Variants in GBF1 observed in about 807,000 individuals in gnomAD.
The protein encoded by GBF1 is Golgi-specific brefeldin A-resistance guanine nucleotide exchange factor 1.
A neutral mutation model predicts 210.5 loss-of-function variants in GBF1; 114 were observed. The ratio of observed to expected loss-of-function variants is 0.54; its 90% CI spans 0.47 to 0.63. GBF1 has a LOEUF of 0.63. Among genes scored for constraint, GBF1 ranks in the 30% least tolerant of loss-of-function variants. GBF1 has a pLI of 0.00. For synonymous variants in GBF1, 850 were observed against 889.2 expected (o/e 0.96, Z 0.78); for missense variants, 1,851 against 2,357.7 (o/e 0.79, Z 4.45).
At chr10:102,264,862 C>T (rs934161636) in intron 3 of GBF1, among the ~76,000 whole-genome samples, 2 of 152,192 alleles carry the variant, frequency 1.3e-5, no homozygotes, top group African/African-American at 4.8e-5. Flanking sequence ...GCTGGGGTGT[C>T]CTGGCCTTAG....
rs139353076 is a variant in GBF1 at position 102,358,083 on chromosome 10, G to T, written c.684G>T (p.Lys228Asn). 1.2e-5 allele frequency: 19 copies of T among 1,609,686 alleles called. No homozygotes were observed. Among genetic ancestry groups the T allele is most frequent in the Non-Finnish European group, 1.6e-5 (19 of 1,176,082 alleles). ...GCATGAGTGATTCATCCAAATGGAA[G>T]AAACAGAAGAGATCCCCTCGGCCCC... is the stretch of plus-strand genomic sequence containing the variant. ...AGGMSDSSKW[K>N]KQKRSPRPPR... Residue 228 changes from lysine (K) to asparagine (N), a missense_variant, in exon 9 of 40, where the codon AAG becomes AAT. Lys to Asn is a moderately conservative substitution (Grantham distance 94). Coordinates refer to ENST00000369983, the MANE Select transcript of GBF1 (RefSeq NM_001377137.1).
chr10:102,255,536 C>A (rs2072225517), intron 1 of GBF1, among the ~76,000 whole-genome samples: 1 of 152,154 alleles, frequency 6.6e-6, no homozygotes, highest in African/African-American at 2.4e-5. Context: ...GTTAGTCTTC[C>A]TTTCACTCCT....
chr10:102,270,617 A>T (rs1276085111), intron 3 of GBF1, among the ~76,000 whole-genome samples: 4 of 152,218 alleles, frequency 2.6e-5, no homozygotes, highest in African/African-American at 4.8e-5. Flanking sequence ...TTGAAAATAA[A>T]TTGCAAACAT....
the GBF1 span, chr10:102,230,793 T>G: frequency 1.1e-4 from 177 of 1,547,986 alleles, no homozygotes; most frequent in Non-Finnish European, 1.5e-4. Context: ...CCCCAGGCCC[T>G]GGCACGGTGC....
Position 102,370,231 on chromosome 10 carries a change from C to T in GBF1, c.3397C>T (p.Gln1133Ter), listed in dbSNP as rs1364502343. The change falls in exon 27 of 40, where the codon CAG (glutamine) becomes TAG (stop). Residue 1133 changes from glutamine to a stop codon, truncating the protein, a stop_gained. Coordinates refer to ENST00000369983, the MANE Select transcript of GBF1 (RefSeq NM_001377137.1). LOFTEE classifies it high-confidence loss of function. Reference sequence around the variant, plus strand: ...CAAGTTCCTCCAGCTGGAGTCACTACAGGAGCTCATGAAGGTAAAGGATGA... The same window carrying T: ...CAAGTTCCTCCAGCTGGAGTCACTATAGGAGCTCATGAAGGTAAAGGATGA... ...ESKFLQLESL[Q>*]ELMKALVSVT... is the part of the protein sequence containing the mutation. 6.2e-7 allele frequency: 1 copy of T among 1,609,252 alleles called. No individual in the cohort carries two copies. The highest frequency in any genetic ancestry group is 8.5e-7 in the Non-Finnish European group (1 of 1,175,596).
intron 3 of GBF1, among the ~76,000 whole-genome samples, chr10:102,331,357 T>G (rs909150964): frequency 2.0e-5 from 3 of 152,156 alleles, no homozygotes; most frequent in Non-Finnish European, 4.4e-5. Flanking sequence ...GTGGCAGTTT[T>G]GGAGAAAATA....
intron 1 of GBF1, among the ~76,000 whole-genome samples, chr10:102,256,508 T>TA (rs79637779): frequency 0.012 from 1,829 of 147,266 alleles, 30 homozygotes; most frequent in African/African-American, 0.042. Flanking sequence ...ATTCTCTTTG[T>TA]AAAAAAAAAA....
At chr10:102,240,002 G>A in the GBF1 span, among the ~76,000 whole-genome samples, 1 of 152,240 alleles carries the variant, frequency 6.6e-6, no homozygotes, top group Non-Finnish European at 1.5e-5. Context: ...CCAGGGTGGT[G>A]TTGGGACTGG....
intron 17 of GBF1, among the ~76,000 whole-genome samples, chr10:102,364,094 G>C (rs1323947634): frequency 6.6e-6 from 1 of 152,088 alleles, no homozygotes; most frequent in Non-Finnish European, 1.5e-5. Context: ...GTGGGTCATT[G>C]AAGGTTACTG....
chr10:102,280,130 AAGAGAGAG>A (rs57985048), intron 3 of GBF1, among the ~76,000 whole-genome samples: 10 of 150,018 alleles, frequency 6.7e-5, no homozygotes, highest in Non-Finnish European at 1.2e-4. Context: ...CTTAAAAAAA[AAGAGAGAG>A]AGAGAGAGAG....
chr10:102,356,514 C>G (rs181587202), intron 8 of GBF1, among the ~76,000 whole-genome samples: 32 of 152,224 alleles, frequency 2.1e-4, no homozygotes, highest in African/African-American at 7.7e-4. Context: ...ACCTGTAATC[C>G]CAGTACTTTG....
At chr10:102,375,048 C>T (rs1422365281) in intron 29 of GBF1, among the ~76,000 whole-genome samples, 2 of 151,884 alleles carry the variant, frequency 1.3e-5, no homozygotes, top group African/African-American at 4.8e-5. Context: ...GTCACATGCA[C>T]CTGTAGTCCC....
Position 102,327,082 on chromosome 10 carries a change from G to A in GBF1, c.164-16969G>A, listed in dbSNP as rs574857778. Among the ~76,000 whole-genome samples the A allele has an allele frequency of 4.6e-5, 7 of 152,180 alleles. No homozygotes were observed. The East Asian group carries it at 1.4e-3, about 29-fold the overall frequency. ...CTATGTCTTGTAAAAGTCTCTAATC[G>A]GCATCCATTAGATGAGCCGAATTCT... On this transcript the variant is annotated intron_variant, in intron 3 of 39. Transcript: ENST00000369983.
chr10:102,350,992 C>T (rs1255108607), intron 4 of GBF1, among the ~76,000 whole-genome samples: 1 of 150,458 alleles, frequency 6.6e-6, no homozygotes, highest in Non-Finnish European at 1.5e-5. Context: ...GAGGCTAAGG[C>T]AGGAAAATCG....
chr10:102,350,260 G>C (rs1218343033), intron 4 of GBF1, among the ~76,000 whole-genome samples: 2 of 151,522 alleles, frequency 1.3e-5, no homozygotes, highest in East Asian at 1.9e-4. Context: ...TCAGGCAGGA[G>C]AATCGCTTGA....
intron 1 of GBF1, among the ~76,000 whole-genome samples, chr10:102,251,605 G>A (rs1033367202): frequency 6.6e-6 from 1 of 152,196 alleles, no homozygotes; most frequent in South Asian, 2.1e-4. Context: ...CCAGGCTGGA[G>A]TACAGTGGCA....
chr10:102,306,360 C>A (rs796427), intron 3 of GBF1, among the ~76,000 whole-genome samples: 49,720 of 152,100 alleles, frequency 0.33, 8,787 homozygotes, highest in South Asian at 0.48. Context: ...CCTGGTTGCT[C>A]TATTTATTAA....
intron 11 of GBF1, among the ~76,000 whole-genome samples, chr10:102,359,772 C>G (rs1435092986): frequency 6.8e-6 from 1 of 147,238 alleles, no homozygotes; most frequent in Admixed American, 7.0e-5. Flanking sequence ...AAAAAAAATC[C>G]TTTTCCTTTT....
At chr10:102,321,794 T>G (rs994418539) in intron 3 of GBF1, among the ~76,000 whole-genome samples, 1 of 152,144 alleles carries the variant, frequency 6.6e-6, no homozygotes, top group African/African-American at 2.4e-5. Context: ...ACTCCTGAAC[T>G]CAAGTGATCT....
Sources: gnomAD v4.1 joint callset for allele counts (sites outside exome capture counted in the v4.1 genomes callset) on GRCh38, gnomAD v4.1.1 for gene constraint, MANE v1.5 for transcripts, NCBI Gene and HGNC (gene_info 2026-07-23, HGNC 2026-07-21) for gene names.